Variants in SPCS3 observed in about 807,000 individuals in gnomAD.
SPCS3 encodes the protein SPase 22 kDa subunit.
SPCS3 carries 9 observed loss-of-function variants against 17.2 expected under a neutral mutation model. The ratio of observed to expected loss-of-function variants is 0.52; its 90% CI spans 0.31 to 0.91. The LOEUF (loss-of-function observed/expected upper bound fraction) is 0.91, where lower values mean the gene tolerates loss of function less well. Ranked by LOEUF, SPCS3 falls within the 40% of genes least tolerant of loss-of-function variation. SPCS3 has a pLI of 0.04. For synonymous variants in SPCS3, 87 were observed against 89.6 expected (o/e 0.97, Z 0.16); for missense variants, 139 against 217.5 (o/e 0.64, Z 2.27).
At position 176,327,150 on chromosome 4, in the gene SPCS3, A is replaced by G. The variant is rs1335281959; in HGVS notation, c.295-12A>G. 2.7e-6 allele frequency: 4 copies of G among 1,488,094 alleles called. No homozygotes were observed. Among genetic ancestry groups the G allele is most frequent in the Non-Finnish European group, 3.6e-6 (4 of 1,102,702 alleles). The allele number at this position is 1,488,094 out of a possible 1,614,324, so 92.2% of individuals were successfully genotyped here. On this transcript the variant is annotated splice_polypyrimidine_tract_variant and intron_variant, in intron 3 of 4. Transcript: ENST00000503362. ...CTGATGAGTTATCTAATTAATTTTC[A>G]TTTTAATATAGGCTCTGAACCAAGT...
chr4:176,331,742 C>T lies in SPCS3; in HGVS notation c.*3412C>T, dbSNP rs1000109788. On this transcript the variant is annotated 3_prime_UTR_variant, in exon 5 of 5. Coordinates refer to ENST00000503362, the MANE Select transcript of SPCS3 (RefSeq NM_021928.4). Reference sequence around the variant, plus strand: ...TAGCTGGGATTACAGGCGCCCGCCACCACGTCCGGCTAATTTTTGTATTTT... The same window carrying T: ...TAGCTGGGATTACAGGCGCCCGCCATCACGTCCGGCTAATTTTTGTATTTT... 4.6e-5 allele frequency: 7 copies of T among 152,216 alleles called. No homozygotes were observed. Among genetic ancestry groups the T allele is most frequent in the African/African-American group, 1.7e-4 (7 of 41,404 alleles). The allele number at this position is 152,216 out of a possible 1,614,324, so 9.4% of individuals were successfully genotyped here.
intron 4 of SPCS3, among the ~76,000 whole-genome samples, chr4:176,327,739 G>C (rs1427710527): frequency 6.6e-6 from 1 of 152,116 alleles, no homozygotes; most frequent in East Asian, 1.9e-4. Flanking sequence ...AGACTCTAGT[G>C]GTAAACATTG....
intron 4 of SPCS3, chr4:176,327,517 A>G (rs1161277086): frequency 7.1e-6 from 2 of 283,156 alleles, no homozygotes; most frequent in South Asian, 8.9e-5. Flanking sequence ...CTAAGCGTGT[A>G]CAAGGAATAC....
intron 1 of SPCS3, chr4:176,320,993 C>T (rs1731530335): frequency 6.6e-6 from 1 of 152,124 alleles, no homozygotes; most frequent in South Asian, 2.1e-4. Flanking sequence ...CTATTTTGTC[C>T]TTGATTTTAT....
intron 2 of SPCS3, among the ~76,000 whole-genome samples, chr4:176,322,774 T>C (rs1045486918): frequency 2.4e-4 from 36 of 152,154 alleles, no homozygotes; most frequent in African/African-American, 8.4e-4. Flanking sequence ...CAGAAAATAT[T>C]AACAATTATA....
At chr4:176,322,112 T>TA in intron 1 of SPCS3, 58 bp from the exon 2 acceptor site, 1 of 1,134,060 alleles carries the variant, frequency 8.8e-7, no homozygotes. Flanking sequence ...TTTAAGAAGT[T>TA]ACGTGAATTG....
At chr4:176,322,092 ATTCT>A (rs1276203141) in intron 1 of SPCS3, 74 bp from the exon 2 acceptor site, 1 of 930,664 alleles carries the variant, frequency 1.1e-6, no homozygotes. Context: ...ACACACCTGT[ATTCT>A]TTCTCTTTAA....
At chr4:176,322,123 T>C in intron 1 of SPCS3, 47 bp from the exon 2 acceptor site, 1 of 1,235,678 alleles carries the variant, frequency 8.1e-7, no homozygotes, top group Non-Finnish European at 1.2e-6. Context: ...ACGTGAATTG[T>C]GTATGTTCTG....
At chr4:176,325,112 C>A (rs1346029099) in intron 3 of SPCS3, among the ~76,000 whole-genome samples, 1 of 146,830 alleles carries the variant, frequency 6.8e-6, no homozygotes, top group South Asian at 2.2e-4. Flanking sequence ...AGTACAGTAG[C>A]GCCGTCAATC....
At chr4:176,327,460 T>C (rs778196086) in intron 4 of SPCS3, 183 bp downstream of exon 4, 65 of 411,346 alleles carry the variant, frequency 1.6e-4, no homozygotes, top group Admixed American at 2.5e-4. Context: ...TAAGCAATTC[T>C]CTTGCAGTTT....
intron 2 of SPCS3, among the ~76,000 whole-genome samples, chr4:176,323,126 C>T (rs1015473733): frequency 1.8e-4 from 27 of 152,156 alleles, no homozygotes; most frequent in African/African-American, 6.0e-4. Context: ...TAGAAATAGG[C>T]TAAGAATTAG....
At chr4:176,325,686 G>A (rs957769261) in intron 3 of SPCS3, among the ~76,000 whole-genome samples, 1 of 151,954 alleles carries the variant, frequency 6.6e-6, no homozygotes, top group Non-Finnish European at 1.5e-5. Flanking sequence ...GGGTTGCATG[G>A]GATTCATTAA....
At chr4:176,320,362 A>C (rs1248453580) in intron 1 of SPCS3, 143 bp downstream of exon 1, 1 of 747,672 alleles carries the variant, frequency 1.3e-6, no homozygotes, top group Non-Finnish European at 1.8e-6. Flanking sequence ...TTCGCCCCCG[A>C]GGGCGGTCGT....
intron 2 of SPCS3, 52 bp from the exon 3 acceptor site, chr4:176,324,129 A>G (rs745583735): frequency 2.2e-5 from 20 of 909,490 alleles, no homozygotes; most frequent in Non-Finnish European, 2.8e-5. Flanking sequence ...ATTAAGATCT[A>G]TTTAAAAGTG....
rs780478295 is a variant in SPCS3 at position 176,327,215 on chromosome 4, G to C, written c.348G>C (p.Pro116=). 8 of 1,599,908 alleles carry C rather than the reference G, an allele frequency of 5.0e-6. No homozygotes were observed. The highest frequency in any genetic ancestry group is 6.8e-6 in the Non-Finnish European group (8 of 1,173,506). The part of the protein sequence containing the change: ...WDKIVLRGDN[P]KLLLKDMKTK... ...AGATTGTTTTGAGAGGTGATAATCC[G>C]AAGCTGCTGCTGAAAGATATGAAAA... The change falls in exon 4 of 5, where the codon CCG becomes CCC. Residue 116 remains proline, a synonymous_variant. Transcript: ENST00000503362.
Position 176,320,093 on chromosome 4 carries a change from C to T in SPCS3, c.17C>T (p.Ser6Leu). ...ACGATCGCGATGAACACGGTGCTGT[C>T]GCGGGCGAACTCACTGTTCGCCTTC... MNTVL[S>L]RANSLFAFSL... The change falls in exon 1 of 5, where the codon TCG becomes TTG. Residue 6 changes from serine (S) to leucine (L), a missense_variant. Ser to Leu is a moderately radical substitution (Grantham distance 145). Coordinates refer to ENST00000503362, the MANE Select transcript of SPCS3 (RefSeq NM_021928.4). 1 of 1,570,278 alleles carries T rather than the reference C, an allele frequency of 6.4e-7. No homozygotes were observed. Among genetic ancestry groups the T allele is most frequent in the Non-Finnish European group, 8.6e-7 (1 of 1,159,072 alleles).
At position 176,331,159 on chromosome 4, in the gene SPCS3, G is replaced by A. The variant is rs1731680663; in HGVS notation, c.*2829G>A. ...AAAGATTTCATCTTAGAGATGAAAA[G>A]CTGGGCTTTTTCTCTAAGATGATAA... On this transcript the variant is annotated 3_prime_UTR_variant, in exon 5 of 5. Transcript: ENST00000503362. 1.3e-5 allele frequency: 2 copies of A among 152,002 alleles called. No homozygotes were observed. Among genetic ancestry groups the A allele is most frequent in the Non-Finnish European group, 1.5e-5 (1 of 68,008 alleles). 9.4% of individuals were successfully genotyped at this position (152,002 alleles called of 1,614,324 possible). A position where few individuals can be genotyped will look rare whatever the true frequency, so the allele number is the denominator to read the frequency against.
In SPCS3 at chr4:176,331,680, C is replaced by T. The variant is rs999438123; in HGVS notation, c.*3350C>T. On this transcript the variant is annotated 3_prime_UTR_variant, in exon 5 of 5. Coordinates refer to ENST00000503362, the MANE Select transcript of SPCS3 (RefSeq NM_021928.4). ...CTTGGCTTACTGCAACCTCCACCCC[C>T]CAGGTTCAAGCGATTCTCCTGCCTC... 1.3e-5 allele frequency: 2 copies of T among 152,218 alleles called. No individual in the cohort carries two copies. The highest frequency in any genetic ancestry group is 4.8e-5 in the African/African-American group (2 of 41,430). The allele number at this position is 152,218 out of a possible 1,614,324, so 9.4% of individuals were successfully genotyped here.
rs1454563408 is a variant in SPCS3 at position 176,329,915 on chromosome 4, A to G, written c.*1585A>G. Reference sequence around the variant, plus strand: ...ATTAATTTTAACATCTGTTGTGTGGAGTTGTATAGTTCATGCAAAAGCCTG... The same window carrying G: ...ATTAATTTTAACATCTGTTGTGTGGGGTTGTATAGTTCATGCAAAAGCCTG... On this transcript the variant is annotated 3_prime_UTR_variant, in exon 5 of 5. Transcript: ENST00000503362. The G allele has an allele frequency of 1.3e-5, 2 of 152,144 alleles. No individual in the cohort carries two copies. The allele number at this position is 152,144 out of a possible 1,614,324, so 9.4% of individuals were successfully genotyped here.
Sources: gnomAD v4.1 joint callset for allele counts (sites outside exome capture counted in the v4.1 genomes callset) on GRCh38, gnomAD v4.1.1 for gene constraint, MANE v1.5 for transcripts, NCBI Gene and HGNC (gene_info 2026-07-23, HGNC 2026-07-21) for gene names.